The following ARHGAP32 variants were observed in gnomAD, a reference collection of about 807,000 sequenced individuals.
The protein encoded by ARHGAP32 is rho GTPase-activating protein 32.
In ARHGAP32, 51 loss-of-function variants were observed where a neutral mutation model predicts 186.5. The observed-to-expected ratio is 0.27, with a 90% CI of 0.22 to 0.35. The LOEUF is 0.35. ARHGAP32 is among the 10% of genes least tolerant of loss of function. The probability of loss-of-function intolerance (pLI) is 1.00; values close to 1 mark genes in which losing one functional copy is unlikely to be tolerated. For missense variants in ARHGAP32, 2,186 were observed against 2,623.5 expected (o/e 0.83, Z 3.64); for synonymous variants, 950 against 964.3 (o/e 0.99, Z 0.27).
At chr11:128,975,139 C>T (rs1945506699) in intron 20 of ARHGAP32, 137 bp from the exon 21 acceptor site, 3 of 694,656 alleles carry the variant, frequency 4.3e-6, no homozygotes, top group East Asian at 5.6e-5. Flanking sequence ...TCTGAAAATT[C>T]TTTCAGTGCA....
intron 11 of ARHGAP32, among the ~76,000 whole-genome samples, chr11:129,001,401 C>T (rs1412643337): frequency 6.6e-6 from 1 of 152,180 alleles, no homozygotes; most frequent in Non-Finnish European, 1.5e-5. Context: ...ACCTACTTGC[C>T]ATTTGTATGC....
At chr11:129,034,218 T>C (rs1183709851) in intron 11 of ARHGAP32, among the ~76,000 whole-genome samples, 1 of 152,188 alleles carries the variant, frequency 6.6e-6, no homozygotes, top group African/African-American at 2.4e-5. Flanking sequence ...TCAGCAGATA[T>C]CCTAGGGGAA....
Position 129,162,901 on chromosome 11 carries a change from C to T in ARHGAP32, c.225+1418G>A, listed in dbSNP as rs142741441. ...TAAAACAAGAAGGGAGATTTCCATT[C>T]CCATACAAATGTGTAGTGAATATTT... On this transcript the variant is annotated intron_variant, in intron 2 of 22. Coordinates refer to ENST00000682385, the MANE Select transcript of ARHGAP32 (RefSeq NM_001378024.1). Among the ~76,000 whole-genome samples the T allele has an allele frequency of 7.8e-3, 1,183 of 152,260 alleles. 16 individuals carry two copies. The highest frequency in any genetic ancestry group is 0.027 in the African/African-American group (1,102 of 41,560).
chr11:129,207,088 T>C (rs1294722898), intron 1 of ARHGAP32, among the ~76,000 whole-genome samples: 1 of 152,102 alleles, frequency 6.6e-6, no homozygotes, highest in East Asian at 1.9e-4. Flanking sequence ...ATGAACTCAT[T>C]CTTTTTTATG....
intron 11 of ARHGAP32, among the ~76,000 whole-genome samples, chr11:129,024,658 C>G (rs1387596972): frequency 6.6e-6 from 1 of 152,096 alleles, no homozygotes; most frequent in Non-Finnish European, 1.5e-5. Flanking sequence ...AAAAAGGTTT[C>G]TTCAGAATGG....
At chr11:129,107,316 A>G (rs1211652027) in intron 5 of ARHGAP32, among the ~76,000 whole-genome samples, 1 of 152,228 alleles carries the variant, frequency 6.6e-6, no homozygotes, top group Non-Finnish European at 1.5e-5. Flanking sequence ...AAGAAAGGCT[A>G]AACAAAGTTC....
chr11:129,113,502 G>C (rs1942282653), intron 5 of ARHGAP32, among the ~76,000 whole-genome samples: 1 of 151,940 alleles, frequency 6.6e-6, no homozygotes, highest in Admixed American at 6.6e-5. Context: ...ATGGTAGTAA[G>C]CTATAAAATA....
rs764437721 is a variant in ARHGAP32 at position 128,970,335 on chromosome 11, G to A, written c.4878C>T (p.Tyr1626=). 5 of 1,614,228 alleles carry A rather than the reference G, an allele frequency of 3.1e-6. No homozygotes were observed. The Admixed American group carries it at 6.7e-5, about 22-fold the overall frequency. Residue 1626 remains tyrosine (Y), a synonymous_variant, in exon 23 of 23, where the codon TAC becomes TAT. Coordinates refer to ENST00000682385, the MANE Select transcript of ARHGAP32 (RefSeq NM_001378024.1). The surrounding 1 kb of genome is among the most constrained non-coding windows in gnomAD (Gnocchi z 5.8). ...TEVPPDDEPA[Y]CPRPLYQYKP... ...TATATTGGTACAGAGGTCTTGGGCAGTAGGCTGGCTCATCATCTGGGGGAA... is the reference window on the plus strand; with the variant it reads ...TATATTGGTACAGAGGTCTTGGGCAATAGGCTGGCTCATCATCTGGGGGAA...
chr11:129,104,599 C>T (rs1941997948), intron 5 of ARHGAP32, among the ~76,000 whole-genome samples: 1 of 150,946 alleles, frequency 6.6e-6, no homozygotes, highest in Admixed American at 6.6e-5. Context: ...TAAAATTAAT[C>T]TCTCTAGGAA....
intron 1 of ARHGAP32, among the ~76,000 whole-genome samples, chr11:129,176,424 G>A (rs1943915838): frequency 1.3e-5 from 1 of 78,308 alleles, no homozygotes; most frequent in Non-Finnish European, 3.0e-5. Context: ...ACTCAGCTCT[G>A]CACCAAGCGG....
At chr11:129,093,479 G>A in intron 6 of ARHGAP32, 142 bp downstream of exon 6, 1 of 655,928 alleles carries the variant, frequency 1.5e-6, no homozygotes. Flanking sequence ...AGTCATTATT[G>A]CACAATCTCA....
chr11:129,218,549 GATATAAATTGATATTA>G (rs1944673329), intron 1 of ARHGAP32, among the ~76,000 whole-genome samples: 1 of 151,976 alleles, frequency 6.6e-6, no homozygotes, highest in South Asian at 2.1e-4. Context: ...GATCTCCTCA[GATATAAATTGATATTA>G]ATATAAATGG....
chr11:129,133,354 A>C (rs1172169293), intron 2 of ARHGAP32, among the ~76,000 whole-genome samples: 3 of 152,198 alleles, frequency 2.0e-5, no homozygotes. Flanking sequence ...TACAGGAAAA[A>C]AGTGAAATTT....
intron 11 of ARHGAP32, among the ~76,000 whole-genome samples, chr11:129,029,541 C>T (rs550084515): frequency 2.6e-5 from 4 of 152,222 alleles, no homozygotes; most frequent in Non-Finnish European, 1.5e-5. Context: ...CGGTGGCTCA[C>T]GCCTGTAATC....
rs925139701 is a variant in ARHGAP32 at position 129,206,918 on chromosome 11, C to A, written c.-4-42491G>T. On this transcript the variant is annotated intron_variant, in intron 1 of 6. Transcript: ENST00000525234. ...ATCCCTCCCATAGCCCCTCACCCCC[C>A]AACAGGCCCCGGTGTGTGATGTTCC... is the stretch of plus-strand genomic sequence containing the variant. Among the ~76,000 whole-genome samples the A allele has an allele frequency of 2.4e-4, 37 of 152,042 alleles. 1 individual carries two copies. Among genetic ancestry groups the A allele is most frequent in the Non-Finnish European group, 8.8e-5 (6 of 67,988 alleles).
intron 5 of ARHGAP32, among the ~76,000 whole-genome samples, chr11:129,121,805 CT>C (rs1315825063): frequency 6.6e-6 from 1 of 151,932 alleles, no homozygotes; most frequent in Non-Finnish European, 1.5e-5. Flanking sequence ...CAAATGTGTT[CT>C]CCCATAAAAA....
Position 128,969,634 on chromosome 11 carries a change from C to T in ARHGAP32, c.5579G>A (p.Gly1860Asp). 6.2e-7 allele frequency: 1 copy of T among 1,614,108 alleles called. No homozygotes were observed. Among genetic ancestry groups the T allele is most frequent in the Non-Finnish European group, 8.5e-7 (1 of 1,180,024 alleles). Residue 1860 changes from glycine to aspartate, a missense_variant, in exon 23 of 23, where the codon GGT (glycine) becomes GAT (aspartate). Gly to Asp is a moderately conservative substitution (Grantham distance 94). Around this residue, in one of 5 missense-constraint regions of ARHGAP32, gnomAD observed 1,502 missense variants for 1,570.0 expected, o/e 0.96. Transcript: ENST00000682385. This position sits in a 1 kb window ranked among gnomAD's most constrained non-coding sequence, Gnocchi z 4.8. ...GGATGGCTTCTCCGGCTGCGTGCTACCATGGCCTCCGTGATGGTGGGCTCT... is the reference window on the plus strand; with the variant it reads ...GGATGGCTTCTCCGGCTGCGTGCTATCATGGCCTCCGTGATGGTGGGCTCT... ...MDRAHHHGGH[G>D]STQPEKPSLP...
chr11:129,156,426 C>T (rs994859251), intron 2 of ARHGAP32, among the ~76,000 whole-genome samples: 37 of 152,132 alleles, frequency 2.4e-4, no homozygotes, highest in Admixed American at 2.2e-3. Context: ...CCACCATTAC[C>T]GAGGCTTGAA....
At chr11:129,193,980 T>C (rs948287340), upstream of ARHGAP32, among the ~76,000 whole-genome samples, 1 of 151,050 alleles carries the variant, frequency 6.6e-6, no homozygotes, top group Non-Finnish European at 1.5e-5. Flanking sequence ...TACTCAGAGA[T>C]AAACATAAAA....
Sources: allele counts gnomAD v4.1 joint callset (sites outside exome capture counted in the v4.1 genomes callset), GRCh38; gene constraint gnomAD v4.1.1; regional missense constraint gnomAD v4.1.1; non-coding constraint Gnocchi (gnomAD v3.1); transcripts MANE v1.5; gene names NCBI Gene and HGNC (gene_info 2026-07-23, HGNC 2026-07-21).